Variants in CDH12 observed in about 807,000 individuals in gnomAD.
The protein encoded by CDH12 is cadherin-12.
Under a neutral mutation model 74.1 loss-of-function variants are expected in CDH12, and 41 were observed. That is an observed-to-expected ratio of 0.55 (90% CI 0.43 to 0.72). CDH12 has a LOEUF of 0.72. Among genes scored for constraint, CDH12 ranks in the 30% least tolerant of loss-of-function variants. CDH12 has a pLI of 0.00. For missense variants in CDH12, 945 were observed against 977.2 expected, an observed-to-expected ratio of 0.97 and a Z score of 0.44; for synonymous variants, 399 against 355.0, an observed-to-expected ratio of 1.12 and a Z score of -1.39.
At chr5:22,361,210 C>T (rs981844690) in intron 3 of CDH12, among the ~76,000 whole-genome samples, 2 of 152,138 alleles carry the variant, frequency 1.3e-5, no homozygotes, top group African/African-American at 2.4e-5. Flanking sequence ...TCTCCTTAGG[C>T]TGATAAGCAA....
chr5:21,755,566 A>T, intron 14 of CDH12, 25 bp downstream of exon 14: 8 of 1,596,584 alleles, frequency 5.0e-6, no homozygotes, highest in East Asian at 2.2e-5. Context: ...AGAAAAAATT[A>T]ACAATGATTA....
At chr5:21,905,514 A>G (rs1753599642) in intron 6 of CDH12, among the ~76,000 whole-genome samples, 1 of 152,186 alleles carries the variant, frequency 6.6e-6, no homozygotes, top group African/African-American at 2.4e-5. Context: ...ATAATTTTCT[A>G]ACTCCAGGTT....
chr5:22,811,384 C>T (rs1749142407), intron 1 of CDH12, among the ~76,000 whole-genome samples: 1 of 152,106 alleles, frequency 6.6e-6, no homozygotes, highest in African/African-American at 2.4e-5. Context: ...AAGAGAGAAC[C>T]TAGGCCCCTA....
intron 2 of CDH12, among the ~76,000 whole-genome samples, chr5:22,408,357 T>A (rs2126465784): frequency 6.6e-6 from 1 of 151,680 alleles, no homozygotes; most frequent in Non-Finnish European, 1.5e-5. Flanking sequence ...TAAATAAGTG[T>A]CCTCGGTCTC....
At chr5:21,946,476 A>C (rs1755583879) in intron 6 of CDH12, among the ~76,000 whole-genome samples, 1 of 152,218 alleles carries the variant, frequency 6.6e-6, no homozygotes, top group Non-Finnish European at 1.5e-5. Flanking sequence ...TATATCTAAA[A>C]AGTAGTGATA....
At chr5:21,776,388 T>G (rs1261599514) in intron 11 of CDH12, among the ~76,000 whole-genome samples, 1 of 152,196 alleles carries the variant, frequency 6.6e-6, no homozygotes, top group Non-Finnish European at 1.5e-5. Flanking sequence ...ATTTGTAACA[T>G]AGCATAAGTA....
intron 1 of CDH12, among the ~76,000 whole-genome samples, chr5:22,534,487 A>T (rs1243071690): frequency 6.6e-6 from 1 of 152,168 alleles, no homozygotes; most frequent in Non-Finnish European, 1.5e-5. Flanking sequence ...CACTTTGAAT[A>T]ATAGTCTAAT....
chr5:22,445,946 T>C (rs1381844821), intron 2 of CDH12, among the ~76,000 whole-genome samples: 2 of 152,150 alleles, frequency 1.3e-5, no homozygotes, highest in African/African-American at 2.4e-5. Flanking sequence ...TGGCATTTCA[T>C]GGTACACTTC....
At chr5:22,293,442 T>C (rs1376686436) in intron 3 of CDH12, among the ~76,000 whole-genome samples, 2 of 152,156 alleles carry the variant, frequency 1.3e-5, no homozygotes, top group South Asian at 2.1e-4. Flanking sequence ...AGAACTACCA[T>C]AGGATTATGC....
chr5:22,188,111 T>A (rs1004964152), intron 4 of CDH12, among the ~76,000 whole-genome samples: 45 of 150,258 alleles, frequency 3.0e-4, no homozygotes, highest in Non-Finnish European at 6.2e-4. Context: ...GGAGGTGGGG[T>A]CTAGTTGGGA....
chr5:22,645,804 CCT>C (rs1315153694), intron 1 of CDH12, among the ~76,000 whole-genome samples: 1 of 151,902 alleles, frequency 6.6e-6, no homozygotes, highest in Non-Finnish European at 1.5e-5. Flanking sequence ...GAGTCAAGAA[CCT>C]CTACCAACAA....
intron 5 of CDH12, among the ~76,000 whole-genome samples, chr5:22,020,554 C>CAA (rs113531853): frequency 8.8e-6 from 1 of 114,258 alleles, no homozygotes; most frequent in Non-Finnish European, 2.0e-5. Context: ...GACTTCGTTT[C>CAA]AAAAAAAAAA....
intron 4 of CDH12, among the ~76,000 whole-genome samples, chr5:22,089,250 A>G (rs1011519730): frequency 4.6e-5 from 7 of 152,200 alleles, no homozygotes; most frequent in African/African-American, 1.7e-4. Context: ...CAGGAAAGGG[A>G]CTGGTGGTTC....
At chr5:22,188,657 T>C (rs1395972772) in intron 4 of CDH12, among the ~76,000 whole-genome samples, 1 of 152,224 alleles carries the variant, frequency 6.6e-6, no homozygotes, top group Non-Finnish European at 1.5e-5. Context: ...AAATGTCCTG[T>C]GCCTATTAGC....
chr5:22,799,303 G>A (rs1286784664), intron 1 of CDH12, among the ~76,000 whole-genome samples: 1 of 152,014 alleles, frequency 6.6e-6, no homozygotes, highest in Non-Finnish European at 1.5e-5. Context: ...TATATATCAT[G>A]GAAACAGAAT....
chr5:22,303,781 T>C (rs1737992110), intron 3 of CDH12, among the ~76,000 whole-genome samples: 1 of 152,152 alleles, frequency 6.6e-6, no homozygotes, highest in African/African-American at 2.4e-5. Context: ...AACTATATTA[T>C]TTGAGAATTC....
intron 1 of CDH12, among the ~76,000 whole-genome samples, chr5:22,572,796 T>C (rs888755116): frequency 1.3e-5 from 2 of 152,174 alleles, no homozygotes; most frequent in Admixed American, 6.5e-5. Context: ...CTATATTCTA[T>C]TGAGTGTTCT....
chr5:22,407,143 A>T (rs1742973591), intron 2 of CDH12, among the ~76,000 whole-genome samples: 1 of 152,094 alleles, frequency 6.6e-6, no homozygotes, highest in African/African-American at 2.4e-5. Flanking sequence ...TATATCCAGC[A>T]GCCTATTCAT....
intron 1 of CDH12, among the ~76,000 whole-genome samples, chr5:22,809,421 C>G (rs1314146358): frequency 6.6e-6 from 1 of 151,334 alleles, no homozygotes; most frequent in Non-Finnish European, 1.5e-5. Flanking sequence ...AGAACATATT[C>G]TAGAAATAAA....
Sources: gnomAD v4.1 joint callset for allele counts (sites outside exome capture counted in the v4.1 genomes callset) on GRCh38, gnomAD v4.1.1 for gene constraint, MANE v1.5 for transcripts, NCBI Gene and HGNC (gene_info 2026-07-23, HGNC 2026-07-21) for gene names.